LAMC2: variants seen among roughly 807,000 people sequenced by gnomAD.
The protein encoded by LAMC2 is laminin subunit gamma-2.
LAMC2 carries 97 observed loss-of-function variants against 140.2 expected under a neutral mutation model. The ratio of observed to expected loss-of-function variants is 0.69; its 90% CI spans 0.59 to 0.82. The LOEUF (loss-of-function observed/expected upper bound fraction) is 0.82, where lower values mean the gene tolerates loss of function less well. Ranked by LOEUF, LAMC2 falls within the 40% of genes least tolerant of loss-of-function variation. The pLI, the probability that LAMC2 is intolerant of heterozygous loss-of-function variation, is 0.00. For missense variants in LAMC2, 1,402 were observed against 1,476.1 expected (o/e 0.95, Z 0.82); for synonymous variants, 513 against 540.2 (o/e 0.95, Z 0.70).
At chr1:183,252,410 C>A in the LAMC2 span, 4 of 411,414 alleles carry the variant, frequency 9.7e-6, no homozygotes, top group Non-Finnish European at 1.8e-5. Flanking sequence ...CCGACTCCCA[C>A]CCCATTCCCT....
downstream of LAMC2, among the ~76,000 whole-genome samples, chr1:183,247,275 G>A (rs1660259228): frequency 6.6e-6 from 1 of 152,164 alleles, no homozygotes; most frequent in African/African-American, 2.4e-5. Context: ...TCGCGCCATT[G>A]CACTCCAGTG....
chr1:183,254,989 C>G, the LAMC2 span, among the ~76,000 whole-genome samples: 1 of 152,178 alleles, frequency 6.6e-6, no homozygotes, highest in Admixed American at 6.5e-5. Flanking sequence ...ACATAATTGC[C>G]AAGACCAATG....
At chr1:183,212,484 A>G (rs570432793) in intron 2 of LAMC2, among the ~76,000 whole-genome samples, 90 of 151,702 alleles carry the variant, frequency 5.9e-4, no homozygotes, top group African/African-American at 2.1e-3. Flanking sequence ...CCTGCCTTCC[A>G]TTGCTCATTG....
rs749036433 is a variant in LAMC2 at position 183,235,673 on chromosome 1, G to A, written c.2399G>A (p.Gly800Glu). ...CTGGTGCGCAAGGCCCTGCATGAAGGAGTCGGAAGCGGAAGCGGTAGCCCG... is the reference window on the plus strand; with the variant it reads ...CTGGTGCGCAAGGCCCTGCATGAAGAAGTCGGAAGCGGAAGCGGTAGCCCG... ...LSLVRKALHE[G>E]VGSGSGSPDG... is the part of the protein sequence containing the mutation. Residue 800 changes from glycine (G) to glutamate (E), a missense_variant, in exon 16 of 23, where the codon GGA becomes GAA. Transcript: ENST00000264144. The A allele has an allele frequency of 1.9e-6, 3 of 1,614,126 alleles. No homozygotes were observed. In the African/African-American group the frequency reaches 4.0e-5, roughly 22 times the overall value.
chr1:183,228,737 CA>C lies in LAMC2; in HGVS notation c.1714+121del. ...CATGATGTTACTTTGATTCTCTGAC[CA>C]AACTGGCCTGTGAGCACCCTGGGCC... On this transcript the variant is annotated intron_variant, in intron 11 of 22. Coordinates refer to ENST00000264144, the MANE Select transcript of LAMC2 (RefSeq NM_005562.3). The surrounding 1 kb of genome is among the most constrained non-coding windows in gnomAD (Gnocchi z 4.3). The C allele has an allele frequency of 1.4e-6, 2 of 1,409,652 alleles. No individual in the cohort carries two copies. Among genetic ancestry groups the C allele is most frequent in the Non-Finnish European group, 2.0e-6 (2 of 1,009,794 alleles). 87.3% of individuals were successfully genotyped at this position (1,409,652 alleles called of 1,614,324 possible).
chr1:183,240,111 C>T lies in LAMC2; in HGVS notation c.3141C>T (p.Ala1047=), dbSNP rs1002958680. ...DGALAMEKGL[A]SLKSEMREVE... is the part of the protein sequence containing the mutation. Reference sequence around the variant, plus strand: ...CCTTGGCCATGGAAAAGGGACTGGCCTCTCTGAAGAGTGAGATGAGGGAAG... The same window carrying T: ...CCTTGGCCATGGAAAAGGGACTGGCTTCTCTGAAGAGTGAGATGAGGGAAG... Residue 1047 remains alanine (A), a synonymous_variant, in exon 21 of 23, where the codon GCC becomes GCT. Coordinates refer to ENST00000264144, the MANE Select transcript of LAMC2 (RefSeq NM_005562.3). The T allele has an allele frequency of 3.1e-6, 5 of 1,614,178 alleles. No homozygotes were observed. Among genetic ancestry groups the T allele is most frequent in the Middle Eastern group, 1.6e-4 (1 of 6,062 alleles).
At chr1:183,235,765 A>C (rs767913557) in intron 16 of LAMC2, 35 bp downstream of exon 16, 9 of 1,611,368 alleles carry the variant, frequency 5.6e-6, no homozygotes, top group Middle Eastern at 3.7e-4. Flanking sequence ...GGCTCATTAT[A>C]CCTTGGATAC....
rs1334400085 is a variant in LAMC2 at position 183,215,540 on chromosome 1, G to C, written c.356G>C (p.Gly119Ala). The C allele has an allele frequency of 6.2e-7, 1 of 1,614,186 alleles. No homozygotes were observed. Among genetic ancestry groups the C allele is most frequent in the Admixed American group, 1.7e-5 (1 of 60,018 alleles). ...GCCAGATGCGACCGATGTCTGCCAG[G>C]CTTCCACATGCTCACGGATGCGGGG... ...TGARCDRCLP[G>A]FHMLTDAGCT... Residue 119 changes from glycine to alanine, a missense_variant, in exon 3 of 23, where the codon GGC (glycine) becomes GCC (alanine). Transcript: ENST00000264144.
At chr1:183,201,060 G>A (rs768111546) in intron 1 of LAMC2, among the ~76,000 whole-genome samples, 9 of 152,140 alleles carry the variant, frequency 5.9e-5, no homozygotes, top group Non-Finnish European at 1.3e-4. Flanking sequence ...CATTTCTTTG[G>A]CTGTGGAGAG....
downstream of LAMC2, among the ~76,000 whole-genome samples, chr1:183,245,874 T>C (rs1434136813): frequency 2.0e-5 from 3 of 152,144 alleles, no homozygotes; most frequent in Non-Finnish European, 2.9e-5. Context: ...TAGATTGTTT[T>C]AAAAGTCGTA....
chr1:183,231,519 T>G (rs1659800760), intron 12 of LAMC2, among the ~76,000 whole-genome samples: 1 of 152,204 alleles, frequency 6.6e-6, no homozygotes, highest in African/African-American at 2.4e-5. Context: ...ATATTTCACT[T>G]TCCAGCTCGA....
intron 4 of LAMC2, 151 bp from the exon 5 acceptor site, chr1:183,220,674 G>C (rs1323174458): frequency 2.7e-6 from 2 of 731,144 alleles, no homozygotes; most frequent in South Asian, 3.3e-5. Flanking sequence ...GTCTGGGGGT[G>C]GGGGTGATAT....
intron 11 of LAMC2, among the ~76,000 whole-genome samples, chr1:183,229,042 ACT>A (rs1659721762): frequency 6.6e-6 from 1 of 151,818 alleles, no homozygotes; most frequent in South Asian, 2.1e-4. Flanking sequence ...AGTTTAAGAG[ACT>A]CTCTCAGGAA....
At chr1:183,211,866 G>A (rs1209013879) in intron 2 of LAMC2, among the ~76,000 whole-genome samples, 5 of 152,054 alleles carry the variant, frequency 3.3e-5, no homozygotes. Context: ...ATGCATGTAG[G>A]CTATATCTAT....
chr1:183,213,990 G>A (rs1197067760), intron 2 of LAMC2, among the ~76,000 whole-genome samples: 6 of 151,828 alleles, frequency 4.0e-5, no homozygotes, highest in East Asian at 1.9e-4. Context: ...GCTTGAACCC[G>A]GAAGGTGGAG....
chr1:183,257,785 T>A, the LAMC2 span, among the ~76,000 whole-genome samples: 8 of 150,834 alleles, frequency 5.3e-5, no homozygotes, highest in African/African-American at 2.0e-4. Context: ...TTGTCAATTT[T>A]GTTTTTTTTT....
chr1:183,236,991 C>T (rs1385162037), intron 17 of LAMC2, among the ~76,000 whole-genome samples: 1 of 152,160 alleles, frequency 6.6e-6, no homozygotes, highest in Non-Finnish European at 1.5e-5. Flanking sequence ...TTTCTGCCAT[C>T]AGTTCCTTTA....
At chr1:183,188,869 G>T (rs1221218468) in intron 1 of LAMC2, among the ~76,000 whole-genome samples, 2 of 152,186 alleles carry the variant, frequency 1.3e-5, no homozygotes, top group African/African-American at 4.8e-5. Context: ...TAGAAACGTA[G>T]CCACCAATAT....
At position 183,228,223 on chromosome 1, in the gene LAMC2, G is replaced by A; in HGVS notation, c.1469-151G>A. 9.8e-7 allele frequency: 1 copy of A among 1,018,922 alleles called. No homozygotes were observed. The highest frequency in any genetic ancestry group is 1.5e-6 in the Non-Finnish European group (1 of 673,476). 63.1% of individuals were successfully genotyped at this position (1,018,922 alleles called of 1,614,324 possible). ...GGAGAGAGAGGGCCAGCCCTGCCTTGCATGCCTGCTCCTGAGGGCTTTGTT... is the reference window on the plus strand; with the variant it reads ...GGAGAGAGAGGGCCAGCCCTGCCTTACATGCCTGCTCCTGAGGGCTTTGTT... On this transcript the variant is annotated intron_variant, in intron 10 of 22. Transcript: ENST00000264144. The surrounding 1 kb of genome is among the most constrained non-coding windows in gnomAD (Gnocchi z 4.3).
Sources: allele counts gnomAD v4.1 joint callset (sites outside exome capture counted in the v4.1 genomes callset), GRCh38; gene constraint gnomAD v4.1.1; non-coding constraint Gnocchi (gnomAD v3.1); transcripts MANE v1.5; gene names NCBI Gene and HGNC (gene_info 2026-07-23, HGNC 2026-07-21).